CLVS1: variants seen among roughly 807,000 people sequenced by gnomAD.
The protein encoded by CLVS1 is clavesin-1.
Under a neutral mutation model 33.1 loss-of-function variants are expected in CLVS1, and 10 were observed. The ratio of observed to expected loss-of-function variants is 0.30; its 90% confidence interval spans 0.19 to 0.51. CLVS1 has a LOEUF of 0.51. Ranked by LOEUF, CLVS1 falls within the 20% of genes least tolerant of loss-of-function variation. The pLI, the probability that CLVS1 is intolerant of heterozygous loss-of-function variation, is 0.97. For missense variants in CLVS1, 343 were observed against 433.4 expected, an observed-to-expected ratio of 0.79 and a Z score of 1.85; for synonymous variants, 163 against 166.1, an observed-to-expected ratio of 0.98 and a Z score of 0.14.
chr8:61,383,265 TAATTATCACCTGAC>T (rs78884393), intron 3 of CLVS1, among the ~76,000 whole-genome samples: 550 of 152,368 alleles, frequency 3.6e-3, no homozygotes, highest in Non-Finnish European at 6.4e-3. Context: ...GTGATCATTT[TAATTATCACCTGAC>T]AATTGAGGGA....
chr8:61,339,799 AG>A (rs1176993111), intron 2 of CLVS1, among the ~76,000 whole-genome samples: 1 of 54,728 alleles, frequency 1.8e-5, no homozygotes, highest in Non-Finnish European at 5.0e-5. Context: ...AAGAGAAAAA[AG>A]AGAGGAAGGA....
At chr8:61,157,307 T>A (rs1274681526) in intron 2 of CLVS1, among the ~76,000 whole-genome samples, 1 of 152,186 alleles carries the variant, frequency 6.6e-6, no homozygotes, top group African/African-American at 2.4e-5. Flanking sequence ...GAAAATCTCT[T>A]CAACTAATTG....
chr8:61,224,743 A>T (rs1270059802), intron 2 of CLVS1, among the ~76,000 whole-genome samples: 1 of 152,254 alleles, frequency 6.6e-6, no homozygotes, highest in African/African-American at 2.4e-5. Context: ...AGATCAAAAA[A>T]GACAAACAAG....
chr8:61,399,233 T>C (rs1322959405), intron 3 of CLVS1, among the ~76,000 whole-genome samples: 1 of 152,146 alleles, frequency 6.6e-6, no homozygotes, highest in Non-Finnish European at 1.5e-5. Context: ...GACTTTTTAA[T>C]AATAGCCATT....
chr8:61,130,647 G>A lies in CLVS1; in HGVS notation c.-242-1123G>A, dbSNP rs1206770200. ...TTTGTACATATAATTTAGTTAAAAGGCATATATTCAAATAATTGACTGATT... is the reference window on the plus strand; with the variant it reads ...TTTGTACATATAATTTAGTTAAAAGACATATATTCAAATAATTGACTGATT... On this transcript the variant is annotated intron_variant, in intron 1 of 2. Coordinates refer to the CLVS1 transcript ENST00000522621. 2.6e-5 allele frequency among the ~76,000 whole-genome samples: 4 copies of A among 152,164 alleles called. No homozygotes were observed. The East Asian group carries it at 7.7e-4, about 29-fold the overall frequency.
In CLVS1 at chr8:61,096,392, T is replaced by A. The variant is rs564140204; in HGVS notation, c.-242-35378T>A. Among the ~76,000 whole-genome samples the A allele has an allele frequency of 2.6e-5, 4 of 152,360 alleles. No homozygotes were observed. In the South Asian group the frequency reaches 8.3e-4, roughly 32 times the overall value. ...ACTGCTTTTCTTTCCTACCCTCTTC[T>A]CCATATGATTCTAAAAATCAGGATA... On this transcript the variant is annotated intron_variant, in intron 1 of 2. Transcript: ENST00000522621.
intron 2 of CLVS1, among the ~76,000 whole-genome samples, chr8:61,343,794 T>A (rs1044301301): frequency 2.6e-5 from 4 of 152,198 alleles, no homozygotes; most frequent in African/African-American, 9.7e-5. Context: ...TTTGGTGATA[T>A]GTTTGAGGAA....
At chr8:61,068,223 G>A (rs867843824) in intron 1 of CLVS1, among the ~76,000 whole-genome samples, 1,918 of 105,044 alleles carry the variant, frequency 0.018, 76 homozygotes, top group African/African-American at 0.095. Context: ...ATATATGTAT[G>A]TATGTGTATA....
chr8:61,059,982 A>G (rs942989427), intron 1 of CLVS1, among the ~76,000 whole-genome samples: 3 of 152,056 alleles, frequency 2.0e-5, no homozygotes, highest in Non-Finnish European at 2.9e-5. Context: ...CCTCTCTTTC[A>G]TGCCCTCAAG....
intron 2 of CLVS1, among the ~76,000 whole-genome samples, chr8:61,279,281 GC>G (rs1809622026): frequency 6.6e-6 from 1 of 152,090 alleles, no homozygotes; most frequent in African/African-American, 2.4e-5. Flanking sequence ...TGAGGCGAAG[GC>G]CATTCTTGGC....
the CLVS1 span, among the ~76,000 whole-genome samples, chr8:61,010,206 G>C: frequency 6.6e-6 from 1 of 152,154 alleles, no homozygotes; most frequent in African/African-American, 2.4e-5. Context: ...TCCCTTGGTA[G>C]GTTGGCCTTC....
At chr8:61,314,569 G>A (rs1810948295) in intron 2 of CLVS1, among the ~76,000 whole-genome samples, 1 of 152,212 alleles carries the variant, frequency 6.6e-6, no homozygotes, top group Non-Finnish European at 1.5e-5. Flanking sequence ...ACCTTGGAAT[G>A]TATTCCGTAC....
chr8:60,972,229 C>A, the CLVS1 span, among the ~76,000 whole-genome samples: 1 of 152,078 alleles, frequency 6.6e-6, no homozygotes, highest in Non-Finnish European at 1.5e-5. Context: ...CATGAAACTG[C>A]CTTTGCAAAA....
intron 2 of CLVS1, among the ~76,000 whole-genome samples, chr8:61,350,269 A>G (rs1012326790): frequency 6.6e-6 from 1 of 152,146 alleles, no homozygotes; most frequent in Non-Finnish European, 1.5e-5. Flanking sequence ...GTTTTTGACC[A>G]CTGAAGAGAA....
intron 2 of CLVS1, among the ~76,000 whole-genome samples, chr8:61,144,738 G>A (rs1806380981): frequency 6.6e-6 from 1 of 152,178 alleles, no homozygotes; most frequent in Admixed American, 6.5e-5. Context: ...GAATTTTAAT[G>A]ATCGCTATTC....
chr8:61,158,224 T>C (rs1008183996), intron 2 of CLVS1, among the ~76,000 whole-genome samples: 2 of 152,170 alleles, frequency 1.3e-5, no homozygotes, highest in African/African-American at 4.8e-5. Flanking sequence ...ATCCCTAAAC[T>C]ACATAATGTG....
intron 2 of CLVS1, among the ~76,000 whole-genome samples, chr8:61,253,735 C>T (rs543749225): frequency 5.1e-4 from 77 of 152,328 alleles, no homozygotes; most frequent in Non-Finnish European, 6.9e-4. Context: ...CTTATGCATT[C>T]GTCACGTAGT....
At chr8:61,137,450 A>G (rs190575831) in intron 2 of CLVS1, among the ~76,000 whole-genome samples, 89 of 152,288 alleles carry the variant, frequency 5.8e-4, no homozygotes, top group African/African-American at 2.1e-3. Context: ...AATGGGGATA[A>G]TACTTGTCTT....
chr8:61,216,330 T>C lies in CLVS1; in HGVS notation c.-151-83347T>C, dbSNP rs181667603. Among the ~76,000 whole-genome samples, 816 of 152,336 alleles carry C rather than the reference T, an allele frequency of 5.4e-3. 10 individuals carry two copies. The highest frequency in any genetic ancestry group is 0.018 in the African/African-American group (766 of 41,576). On this transcript the variant is annotated intron_variant, in intron 2 of 2. Coordinates refer to the CLVS1 transcript ENST00000522621. ...AGTTGGAAGATCCCCAAAGTCTTGC[T>C]AGCCAAAAACATGCTCTGGAAGCCA... is the stretch of plus-strand genomic sequence containing the variant.
Sources: allele counts gnomAD v4.1 joint callset (sites outside exome capture counted in the v4.1 genomes callset), GRCh38; gene constraint gnomAD v4.1.1; transcripts MANE v1.5; gene names NCBI Gene and HGNC (gene_info 2026-07-23, HGNC 2026-07-21).